Variants in VWA3B observed in about 807,000 individuals in gnomAD.
VWA3B encodes von Willebrand factor A domain-containing protein 3B.
Under a neutral mutation model 158.3 loss-of-function variants are expected in VWA3B, and 138 were observed. That is an observed-to-expected ratio of 0.87 (90% CI 0.76 to 1.00). The LOEUF (loss-of-function observed/expected upper bound fraction) is 1.00. VWA3B is among the 50% of genes least tolerant of loss of function. VWA3B has a pLI of 0.00. For missense variants in VWA3B, 1,555 were observed against 1,565.1 expected (o/e 0.99, Z 0.11); for synonymous variants, 596 against 587.3 (o/e 1.01, Z -0.21).
At chr2:98,108,419 G>C (rs1260379337) in intron 2 of VWA3B, among the ~76,000 whole-genome samples, 1 of 152,112 alleles carries the variant, frequency 6.6e-6, no homozygotes, top group African/African-American at 2.4e-5. Flanking sequence ...TCTTGTTCTT[G>C]TTCTATCAGT....
intron 12 of VWA3B, chr2:98,207,272 A>C (rs781457628): frequency 1.8e-5 from 9 of 501,952 alleles, no homozygotes; most frequent in Non-Finnish European, 3.6e-5. Flanking sequence ...TCCTTTGCTC[A>C]TTTGGATGCC....
At chr2:98,133,586 T>G in intron 6 of VWA3B, 1 of 485,138 alleles carries the variant, frequency 2.1e-6, no homozygotes. Flanking sequence ...TAATTTACCC[T>G]CTAATGAAAG....
intron 9 of VWA3B, among the ~76,000 whole-genome samples, chr2:98,185,596 A>T (rs1680974294): frequency 6.6e-6 from 1 of 151,366 alleles, no homozygotes; most frequent in Non-Finnish European, 1.5e-5. Flanking sequence ...CACTCCACTC[A>T]CTCTCTGCAG....
chr2:98,250,204 T>C, intron 19 of VWA3B, 114 bp from the exon 20 acceptor site: 1 of 701,976 alleles, frequency 1.4e-6, no homozygotes, highest in South Asian at 2.0e-5. Flanking sequence ...ACATTTATTG[T>C]ATATTGACTT....
intron 20 of VWA3B, among the ~76,000 whole-genome samples, chr2:98,255,784 C>G (rs1201286886): frequency 2.0e-5 from 3 of 152,096 alleles, no homozygotes; most frequent in Non-Finnish European, 4.4e-5. Flanking sequence ...CTAAAGAGCA[C>G]AGTTATGTTC....
chr2:98,178,726 A>G (rs1363419352), intron 8 of VWA3B, among the ~76,000 whole-genome samples: 1 of 152,162 alleles, frequency 6.6e-6, no homozygotes, highest in Non-Finnish European at 1.5e-5. Flanking sequence ...CCCAATGTCC[A>G]GGCCACACTC....
intron 7 of VWA3B, among the ~76,000 whole-genome samples, chr2:98,136,773 T>C (rs1676317375): frequency 6.6e-6 from 1 of 152,166 alleles, no homozygotes; most frequent in Non-Finnish European, 1.5e-5. Flanking sequence ...GAGGGACACA[T>C]ATATTCAAAT....
At chr2:98,188,163 T>A (rs751984861) in intron 10 of VWA3B, 34 bp downstream of exon 10, 1 of 1,596,870 alleles carries the variant, frequency 6.3e-7, no homozygotes, top group South Asian at 1.1e-5. Flanking sequence ...ACAAGTGGTC[T>A]CCTCGCTCTG....
At chr2:98,315,222 A>G (rs1378761161), downstream of VWA3B, among the ~76,000 whole-genome samples, 1 of 152,188 alleles carries the variant, frequency 6.6e-6, no homozygotes, top group Non-Finnish European at 1.5e-5. Flanking sequence ...GATGATTTGC[A>G]CATTTGATTT....
In VWA3B at chr2:98,230,128, A is replaced by AACC; in HGVS notation, c.2231_2232insCAC (p.Thr744dup). 3 of 1,611,914 alleles carry AACC rather than the reference A, an allele frequency of 1.9e-6. No individual in the cohort carries two copies. Among genetic ancestry groups the AACC allele is most frequent in the Non-Finnish European group, 2.5e-6 (3 of 1,179,548 alleles). ...CTCAATCTGATGTCGATTCAACACA[A>AACC]ACTTCATCTCTGAATATGTTGAAGG... On this transcript the variant is annotated inframe_insertion, in exon 16 of 28. Transcript: ENST00000477737.
intron 5 of VWA3B, among the ~76,000 whole-genome samples, chr2:98,127,763 G>T (rs1675498661): frequency 6.6e-6 from 1 of 152,176 alleles, no homozygotes; most frequent in South Asian, 2.1e-4. Flanking sequence ...CCCTGCTTAG[G>T]TGAGCCCAGA....
chr2:98,296,923 A>G (rs1462868094), intron 23 of VWA3B, among the ~76,000 whole-genome samples: 2 of 150,622 alleles, frequency 1.3e-5, no homozygotes, highest in African/African-American at 4.9e-5. Flanking sequence ...ATTAAATAAT[A>G]TATATGTTTG....
chr2:98,111,329 A>G (rs1674117908), intron 2 of VWA3B, among the ~76,000 whole-genome samples: 1 of 152,174 alleles, frequency 6.6e-6, no homozygotes, highest in Non-Finnish European at 1.5e-5. Context: ...CATGTGGTCT[A>G]TATATATAAA....
intron 2 of VWA3B, among the ~76,000 whole-genome samples, chr2:98,093,743 T>C (rs955920626): frequency 3.3e-5 from 5 of 152,196 alleles, no homozygotes; most frequent in African/African-American, 4.8e-5. Flanking sequence ...ATCTCTTGAC[T>C]AGATGTCCTA....
intron 21 of VWA3B, among the ~76,000 whole-genome samples, chr2:98,266,127 T>C (rs1255670597): frequency 6.7e-6 from 1 of 149,718 alleles, no homozygotes; most frequent in Admixed American, 6.6e-5. Context: ...CCCATGCCTA[T>C]GTCCTGAATG....
At chr2:98,110,731 C>T (rs1470384183) in intron 2 of VWA3B, among the ~76,000 whole-genome samples, 1 of 152,174 alleles carries the variant, frequency 6.6e-6, no homozygotes, top group African/African-American at 2.4e-5. Context: ...CATCCTTCAC[C>T]CTTGATACAG....
In VWA3B at chr2:98,159,255, G is replaced by T. The variant is rs796092762; in HGVS notation, c.989-3596G>T. ...CAAATTGTTTTTTTGTTTTGTTTTG[G>T]TTTGGTTTTTTTGTTTGTTTTTGAG... On this transcript the variant is annotated intron_variant, in intron 7 of 27. Transcript: ENST00000477737. 3.9e-5 allele frequency among the ~76,000 whole-genome samples: 6 copies of T among 152,126 alleles called. No individual in the cohort carries two copies. The East Asian group carries it at 7.7e-4, about 20-fold the overall frequency.
chr2:98,244,387 A>G (rs574217336), intron 19 of VWA3B, among the ~76,000 whole-genome samples: 27 of 151,826 alleles, frequency 1.8e-4, no homozygotes, highest in African/African-American at 6.3e-4. Flanking sequence ...TTCAATTTCA[A>G]TTCTTTTATC....
chr2:98,091,934 T>C (rs554987881), intron 1 of VWA3B, among the ~76,000 whole-genome samples: 1 of 152,314 alleles, frequency 6.6e-6, no homozygotes, highest in South Asian at 2.1e-4. Context: ...GATTGCATTA[T>C]AGTTTGGCCC....
Sources: allele counts gnomAD v4.1 joint callset (sites outside exome capture counted in the v4.1 genomes callset), GRCh38; gene constraint gnomAD v4.1.1; transcripts MANE v1.5; gene names NCBI Gene and HGNC (gene_info 2026-07-23, HGNC 2026-07-21).